The following KCNK13 variants were observed in gnomAD, a reference collection of about 807,000 sequenced individuals.
KCNK13 encodes the protein potassium two pore domain channel subfamily K member 13.
A neutral mutation model predicts 23.4 loss-of-function variants in KCNK13; 12 were observed. That is an observed-to-expected ratio of 0.51 (90% CI 0.33 to 0.83). KCNK13 has a LOEUF of 0.83. Ranked by LOEUF, KCNK13 falls within the 40% of genes least tolerant of loss-of-function variation. The pLI, the probability that KCNK13 is intolerant of heterozygous loss-of-function variation, is 0.02. For missense variants in KCNK13, 463 were observed against 556.3 expected, an observed-to-expected ratio of 0.83 and a Z score of 1.69; for synonymous variants, 231 against 229.5, an observed-to-expected ratio of 1.01 and a Z score of -0.06.
At chr14:90,143,175 CTTTTCTTTTCT>C (rs371633658) in intron 1 of KCNK13, among the ~76,000 whole-genome samples, 5 of 60,006 alleles carry the variant, frequency 8.3e-5, no homozygotes, top group Admixed American at 1.7e-4. Flanking sequence ...TTCTTTCTTT[CTTTTCTTTTCT>C]TTTCTTTCTT....
chr14:90,089,560 G>A (rs902787600), intron 1 of KCNK13, among the ~76,000 whole-genome samples: 1 of 152,204 alleles, frequency 6.6e-6, no homozygotes, highest in African/African-American at 2.4e-5. Flanking sequence ...CCCATCTTCC[G>A]AGGAGAAATT....
rs564019978 is a variant in KCNK13, at chr14:90,076,821, T to A, written c.334+14282T>A. Among the ~76,000 whole-genome samples the A allele has an allele frequency of 5.3e-3, 804 of 151,174 alleles. 11 individuals carry two copies. The highest frequency in any genetic ancestry group is 4.3e-3 in the Non-Finnish European group (288 of 67,688). ...TTCTATTCTGGAGATTAAAAAAAAA[T>A]TTTTTTTTTATTTCTTAGAGACAGA... On this transcript the variant is annotated intron_variant, in intron 1 of 1. Transcript: ENST00000282146.
At chr14:90,160,250 C>G (rs988759618) in intron 1 of KCNK13, among the ~76,000 whole-genome samples, 1 of 152,214 alleles carries the variant, frequency 6.6e-6, no homozygotes, top group Non-Finnish European at 1.5e-5. Flanking sequence ...AAAACCACTT[C>G]TGCAAAGTTA....
At chr14:90,136,815 G>A (rs902622781) in intron 1 of KCNK13, among the ~76,000 whole-genome samples, 2 of 152,112 alleles carry the variant, frequency 1.3e-5, no homozygotes, top group African/African-American at 2.4e-5. Flanking sequence ...AGGTTGAACC[G>A]AGAGGGTCAA....
At chr14:90,147,735 T>G (rs1890089195) in intron 1 of KCNK13, among the ~76,000 whole-genome samples, 1 of 152,208 alleles carries the variant, frequency 6.6e-6, no homozygotes, top group Admixed American at 6.5e-5. Flanking sequence ...TTAATGATTT[T>G]ATATACCTGT....
At chr14:90,112,209 T>A (rs1328264226) in intron 1 of KCNK13, among the ~76,000 whole-genome samples, 1 of 152,220 alleles carries the variant, frequency 6.6e-6, no homozygotes, top group Non-Finnish European at 1.5e-5. Flanking sequence ...CCATTTACAT[T>A]GTGTTCCGTG....
At chr14:90,140,335 C>G (rs962968892) in intron 1 of KCNK13, among the ~76,000 whole-genome samples, 13 of 152,162 alleles carry the variant, frequency 8.5e-5, no homozygotes, top group African/African-American at 3.1e-4. Flanking sequence ...TCTTGAAGTC[C>G]TACCACGCAT....
intron 1 of KCNK13, among the ~76,000 whole-genome samples, chr14:90,137,357 G>A (rs1889949800): frequency 6.6e-6 from 1 of 151,592 alleles, no homozygotes; most frequent in Admixed American, 6.6e-5. Context: ...ATCTTGCTCT[G>A]TCGCCCAGGC....
intron 1 of KCNK13, among the ~76,000 whole-genome samples, chr14:90,080,271 T>G (rs1308279532): frequency 6.6e-6 from 1 of 151,978 alleles, no homozygotes; most frequent in Non-Finnish European, 1.5e-5. Flanking sequence ...CTGGCCAACA[T>G]GGTGAAACTC....
intron 1 of KCNK13, among the ~76,000 whole-genome samples, chr14:90,143,171 C>CGTTCTTTCTTTCTTTCT (rs1890031155): frequency 8.1e-6 from 1 of 123,788 alleles, no homozygotes; most frequent in Non-Finnish European, 1.7e-5. Context: ...TTCTTTCTTT[C>CGTTCTTTCTTTCTTTCT]TTTCTTTTCT....
At chr14:90,087,136 ATATATATATATATATATATT>A (rs1335724032) in intron 1 of KCNK13, among the ~76,000 whole-genome samples, 61 of 112,300 alleles carry the variant, frequency 5.4e-4, no homozygotes, top group African/African-American at 2.1e-3. Flanking sequence ...ATACATATAT[ATATATATATATATATATATT>A]TTTTTTTTTT....
intron 1 of KCNK13, among the ~76,000 whole-genome samples, chr14:90,075,223 C>A (rs940388165): frequency 5.3e-5 from 8 of 152,048 alleles, no homozygotes; most frequent in African/African-American, 1.9e-4. Context: ...TCTAAACTAT[C>A]TGAGGATAAA....
At chr14:90,173,879 G>A (rs948405993) in intron 1 of KCNK13, among the ~76,000 whole-genome samples, 7 of 152,172 alleles carry the variant, frequency 4.6e-5, no homozygotes, top group African/African-American at 1.7e-4. Flanking sequence ...AAGAAAAGAG[G>A]TTTAATTGAC....
intron 1 of KCNK13, among the ~76,000 whole-genome samples, chr14:90,135,063 A>G (rs905808786): frequency 3.9e-5 from 6 of 152,326 alleles, no homozygotes; most frequent in African/African-American, 1.2e-4. Context: ...TTTACATTGC[A>G]CGTTGTTAAA....
intron 1 of KCNK13, among the ~76,000 whole-genome samples, chr14:90,123,969 T>C (rs1471385827): frequency 6.6e-6 from 1 of 152,298 alleles, no homozygotes; most frequent in Middle Eastern, 3.4e-3. Context: ...CTGAGGGGCC[T>C]TGGCATAGAT....
rs548291384 is a variant in KCNK13, at chr14:90,167,756, C to G, written c.335-16355C>G. 9.7e-4 allele frequency among the ~76,000 whole-genome samples: 147 copies of G among 152,204 alleles called. 1 individual carries two copies. The highest frequency in any genetic ancestry group is 3.1e-4 in the Non-Finnish European group (21 of 68,032). On this transcript the variant is annotated intron_variant, in intron 1 of 1. Transcript: ENST00000282146. Reference sequence around the variant, plus strand: ...CTCTATCACATTGCTGCATCTCCCTCTTCCTCTGCTACCCCCACCCCCTGC... The same window carrying G: ...CTCTATCACATTGCTGCATCTCCCTGTTCCTCTGCTACCCCCACCCCCTGC...
Position 90,088,360 on chromosome 14 carries a change from A to T in KCNK13, c.334+25821A>T, listed in dbSNP as rs1035743523. Among the ~76,000 whole-genome samples the T allele has an allele frequency of 2.7e-5, 4 of 150,208 alleles. No individual in the cohort carries two copies. The East Asian group carries it at 5.8e-4, about 22-fold the overall frequency. ...AAAGAAAGAAAGAAAGAAAGCTCTGATTCATAGCATTTGCCTATTTCTGTG... is the reference window on the plus strand; with the variant it reads ...AAAGAAAGAAAGAAAGAAAGCTCTGTTTCATAGCATTTGCCTATTTCTGTG... On this transcript the variant is annotated intron_variant, in intron 1 of 1. Transcript: ENST00000282146.
At chr14:90,177,828 C>T (rs1179482953) in intron 1 of KCNK13, among the ~76,000 whole-genome samples, 1 of 152,188 alleles carries the variant, frequency 6.6e-6, no homozygotes, top group Non-Finnish European at 1.5e-5. Flanking sequence ...GTTCTAGGAG[C>T]TAGCCCCTGC....
intron 1 of KCNK13, among the ~76,000 whole-genome samples, chr14:90,140,961 T>G (rs938609564): frequency 6.6e-6 from 1 of 152,128 alleles, no homozygotes; most frequent in Admixed American, 6.5e-5. Flanking sequence ...GGAAGTTACG[T>G]TGTTTCTCAG....
Sources: gnomAD v4.1 joint callset for allele counts (sites outside exome capture counted in the v4.1 genomes callset) on GRCh38, gnomAD v4.1.1 for gene constraint, MANE v1.5 for transcripts, NCBI Gene and HGNC (gene_info 2026-07-23, HGNC 2026-07-21) for gene names.